Variants in FGF17 observed in about 807,000 individuals in gnomAD.
FGF17 encodes fibroblast growth factor 17.
Under a neutral mutation model 23.5 loss-of-function variants are expected in FGF17, and 5 were observed. The ratio of observed to expected loss-of-function variants is 0.21; its 90% CI spans 0.11 to 0.45. The LOEUF is 0.45. Among genes scored for constraint, FGF17 ranks in the 20% least tolerant of loss-of-function variants. The pLI is 0.99. For missense variants in FGF17, 221 were observed against 306.9 expected (o/e 0.72, Z 2.09); for synonymous variants, 136 against 123.0 (o/e 1.11, Z -0.70).
upstream of FGF17, among the ~76,000 whole-genome samples, chr8:22,041,686 G>T (rs1010493354): frequency 6.6e-6 from 1 of 152,208 alleles, no homozygotes; most frequent in Non-Finnish European, 1.5e-5. Flanking sequence ...TGGATCTGCA[G>T]GGTGGCAACT....
Position 22,046,522 on chromosome 8 carries a change from C to A in FGF17, c.251-5C>A, listed in dbSNP as rs376460755. On this transcript the variant is annotated splice_region_variant and splice_polypyrimidine_tract_variant and intron_variant, in intron 3 of 4. Transcript: ENST00000359441. ...CGGAGGTCTTTCTCCCCTCCCCCAC[C>A]ACAGCCAAGCTCATAGTGGAGACGG... 22 of 1,609,650 alleles carry A rather than the reference C, an allele frequency of 1.4e-5. No individual in the cohort carries two copies. The African/African-American group carries it at 2.4e-4, about 18-fold the overall frequency.
chr8:22,044,140 G>A (rs929378488), intron 2 of FGF17, among the ~76,000 whole-genome samples: 4 of 152,090 alleles, frequency 2.6e-5, no homozygotes, highest in Non-Finnish European at 5.9e-5. Context: ...GGCTGGGGGT[G>A]GGCCCAACCT....
intron 1 of FGF17, 24 bp downstream of exon 1, chr8:22,042,987 G>A: frequency 6.2e-7 from 1 of 1,611,944 alleles, no homozygotes. Flanking sequence ...CTCTCCCACT[G>A]GAGTTTCGTT....
intron 2 of FGF17, chr8:22,045,713 TGGG>T: frequency 8.9e-7 from 1 of 1,120,980 alleles, no homozygotes; most frequent in Non-Finnish European, 1.1e-6. Context: ...CTTGGAGTTC[TGGG>T]GGAGATGACA....
chr8:22,048,277 G>T lies in FGF17; in HGVS notation c.*28G>T. On this transcript the variant is annotated 3_prime_UTR_variant, in exon 5 of 5. Coordinates refer to ENST00000359441, the MANE Select transcript of FGF17 (RefSeq NM_003867.4). This position sits in a 1 kb window ranked among gnomAD's most constrained non-coding sequence, Gnocchi z 6.9. Reference sequence around the variant, plus strand: ...TGGGAGGCAGGGGGCAGCAGCCCCTGGGCCGCCTCCCCACCCCTTTCCCTT... The same window carrying T: ...TGGGAGGCAGGGGGCAGCAGCCCCTTGGCCGCCTCCCCACCCCTTTCCCTT... The T allele has an allele frequency of 6.5e-7, 1 of 1,543,068 alleles. No individual in the cohort carries two copies. Among genetic ancestry groups the T allele is most frequent in the Non-Finnish European group, 8.8e-7 (1 of 1,137,192 alleles).
intron 2 of FGF17, 178 bp from the exon 3 acceptor site, chr8:22,045,936 A>G: frequency 6.6e-7 from 1 of 1,511,136 alleles, no homozygotes; most frequent in Non-Finnish European, 8.9e-7. Context: ...CAAAGCAAAG[A>G]GGTTATGACC....
intron 2 of FGF17, among the ~76,000 whole-genome samples, 187 bp downstream of exon 2, chr8:22,043,368 G>GT (rs1449259329): frequency 6.6e-6 from 1 of 152,128 alleles, no homozygotes; most frequent in Non-Finnish European, 1.5e-5. Context: ...GCTGACTGAG[G>GT]TTTTGTCTCT....
At chr8:22,040,704 G>A (rs375511220), upstream of FGF17, among the ~76,000 whole-genome samples, 11 of 152,314 alleles carry the variant, frequency 7.2e-5, no homozygotes, top group African/African-American at 2.2e-4. Context: ...AGTGAGTCCC[G>A]ACAGCATAAA....
chr8:22,039,703 GAAC>G (rs1467851758), upstream of FGF17, among the ~76,000 whole-genome samples: 7 of 152,118 alleles, frequency 4.6e-5, no homozygotes, highest in African/African-American at 1.7e-4. Flanking sequence ...ACTCCAGCCT[GAAC>G]AACAAGAATG....
chr8:22,042,292 C>T (rs1800751214), upstream of FGF17: 1 of 157,776 alleles, frequency 6.3e-6, no homozygotes, highest in Non-Finnish European at 1.4e-5. Flanking sequence ...GCCTTAACCC[C>T]TCCTTCCCGG....
chr8:22,044,088 C>A (rs1800799603), intron 2 of FGF17, among the ~76,000 whole-genome samples: 1 of 151,862 alleles, frequency 6.6e-6, no homozygotes, highest in South Asian at 2.1e-4. Flanking sequence ...CTTCACACAT[C>A]CAGGGGGAGC....
chr8:22,043,253 G>C, intron 2 of FGF17, 72 bp downstream of exon 2: 2 of 1,476,492 alleles, frequency 1.4e-6, no homozygotes, highest in South Asian at 1.2e-5. Flanking sequence ...GCAAGGGACC[G>C]GCTCCTTTCA....
At position 22,046,612 on chromosome 8, in the gene FGF17, G is replaced by A. The variant is rs200608386; in HGVS notation, c.336G>A (p.Lys112=). Residue 112 remains lysine (K), a synonymous_variant, in exon 4 of 5, where the codon AAG becomes AAA. Transcript: ENST00000359441. ...AESEKYICMN[K]RGKLIGKPSG... ...GTGAGAAGTACATCTGTATGAACAA[G>A]AGGGGCAAGCTCATCGGGAAGGTGA... 11 of 1,613,586 alleles carry A rather than the reference G, an allele frequency of 6.8e-6. No individual in the cohort carries two copies. In the East Asian group the frequency reaches 2.5e-4, roughly 36 times the overall value.
intron 2 of FGF17, among the ~76,000 whole-genome samples, chr8:22,044,243 G>T (rs892251007): frequency 6.6e-6 from 1 of 152,078 alleles, no homozygotes; most frequent in Non-Finnish European, 1.5e-5. Flanking sequence ...GTGGCAAAGC[G>T]GTCCTTTCCC....
chr8:22,044,640 G>C (rs1168565063), intron 2 of FGF17: 2 of 980,602 alleles, frequency 2.0e-6, no homozygotes, highest in African/African-American at 3.5e-5. Flanking sequence ...CCAGCGTGGG[G>C]CAGGCTGGGC....
intron 2 of FGF17, chr8:22,044,617 C>A: frequency 1.1e-6 from 1 of 931,442 alleles, no homozygotes; most frequent in Non-Finnish European, 1.3e-6. Flanking sequence ...GACCCCACCC[C>A]CTGGAAGGGA....
chr8:22,040,048 A>G, upstream of FGF17, among the ~76,000 whole-genome samples: 1 of 150,892 alleles, frequency 6.6e-6, no homozygotes, highest in East Asian at 2.0e-4. Flanking sequence ...CCCCCCAGCA[A>G]TGAATGTTAA....
upstream of FGF17, among the ~76,000 whole-genome samples, chr8:22,040,919 T>C (rs988526158): frequency 7.2e-5 from 11 of 152,000 alleles, no homozygotes; most frequent in African/African-American, 2.7e-4. Context: ...CTGCAGATGA[T>C]GGGAAGAACG....
At chr8:22,039,852 C>T (rs1440587449), upstream of FGF17, among the ~76,000 whole-genome samples, 5 of 151,834 alleles carry the variant, frequency 3.3e-5, no homozygotes, top group African/African-American at 1.2e-4. Context: ...GTGGGCTGGG[C>T]TCAAGCAGGT....
Sources: allele counts gnomAD v4.1 joint callset (sites outside exome capture counted in the v4.1 genomes callset), GRCh38; gene constraint gnomAD v4.1.1; non-coding constraint Gnocchi (gnomAD v3.1); transcripts MANE v1.5; gene names NCBI Gene and HGNC (gene_info 2026-07-23, HGNC 2026-07-21).